Variants in CCDC141 observed in about 807,000 individuals in gnomAD.
CCDC141 encodes coiled-coil domain containing 141.
CCDC141 carries 168 observed loss-of-function variants against 181.0 expected under a neutral mutation model. The observed-to-expected ratio is 0.93, with a 90% CI of 0.82 to 1.05. The LOEUF (loss-of-function observed/expected upper bound fraction) is 1.05. Ranked by LOEUF, CCDC141 falls within the 50% of genes least tolerant of loss-of-function variation. The pLI, the probability that CCDC141 is intolerant of heterozygous loss-of-function variation, is 0.00. For missense variants in CCDC141, 1,902 were observed against 1,788.5 expected (o/e 1.06, Z -1.14); for synonymous variants, 666 against 642.3 (o/e 1.04, Z -0.56).
chr2:179,034,251 C>T (rs1431320578), intron 2 of CCDC141, among the ~76,000 whole-genome samples: 1 of 152,102 alleles, frequency 6.6e-6, no homozygotes, highest in African/African-American at 2.4e-5. Context: ...GAACAGAAAA[C>T]CAAATTTTGC....
At chr2:178,851,917 C>T (rs766465390) in intron 20 of CCDC141, among the ~76,000 whole-genome samples, 5 of 152,142 alleles carry the variant, frequency 3.3e-5, no homozygotes, top group Non-Finnish European at 5.9e-5. Flanking sequence ...GAGTAGCTTG[C>T]AAGAGTTGAT....
At position 178,865,791 on chromosome 2, in the gene CCDC141, G is replaced by A. The variant is rs144206841; in HGVS notation, c.2700C>T (p.Cys900=). 2.0e-5 allele frequency: 31 copies of A among 1,577,376 alleles called. No homozygotes were observed. The highest frequency in any genetic ancestry group is 1.7e-4 in the South Asian group (14 of 84,598). ...GRTLSRSVEY[C]AMRDEINELK... is the part of the protein sequence containing the mutation. ...CCTCATTTATCTCGTCTCTCATGGC[G>A]CAGTACTCCACACTACGGGACAGGG... Residue 900 remains cysteine (C), a synonymous_variant, in exon 17 of 24, where the codon TGC becomes TGT. Coordinates refer to ENST00000443758, the MANE Select transcript of CCDC141 (RefSeq NM_173648.4).
chr2:179,050,064 A>G lies in CCDC141; in HGVS notation c.-123T>C, dbSNP rs1157640578. 2 of 1,427,478 alleles carry G rather than the reference A, an allele frequency of 1.4e-6. No individual in the cohort carries two copies. The highest frequency in any genetic ancestry group is 2.9e-5 in the African/African-American group (2 of 69,690). 88.4% of individuals were successfully genotyped at this position (1,427,478 alleles called of 1,614,324 possible). A position where few individuals can be genotyped will look rare whatever the true frequency, so the allele number is the denominator to read the frequency against. On this transcript the variant is annotated 5_prime_UTR_variant, in exon 1 of 24. Coordinates refer to ENST00000443758, the MANE Select transcript of CCDC141 (RefSeq NM_173648.4). Reference sequence around the variant, plus strand: ...GGAAAGAGCTCAGCTCACACTGATTACTCTGCCAAAAGGAAAGAACAGGAG... The same window carrying G: ...GGAAAGAGCTCAGCTCACACTGATTGCTCTGCCAAAAGGAAAGAACAGGAG...
At chr2:178,914,642 A>G (rs1471823670) in intron 7 of CCDC141, among the ~76,000 whole-genome samples, 1 of 152,206 alleles carries the variant, frequency 6.6e-6, no homozygotes, top group East Asian at 1.9e-4. Flanking sequence ...CAATTAAGTG[A>G]TAATTATATT....
chr2:178,887,437 T>G (rs974317093), intron 9 of CCDC141, among the ~76,000 whole-genome samples: 1 of 152,178 alleles, frequency 6.6e-6, no homozygotes, highest in East Asian at 1.9e-4. Flanking sequence ...AAATGACCCT[T>G]GAAGGGTTCT....
rs1405191472 is a variant in CCDC141 at position 178,832,392 on chromosome 2, T to G, written c.*1781A>C. On this transcript the variant is annotated 3_prime_UTR_variant, in exon 24 of 24. Transcript: ENST00000443758. The stretch of plus-strand genomic sequence containing the variant: ...AGGAGGCTGAAGCAGGAGAATTGCT[T>G]GAACCCGGAGGTGGAGGTTGCAGTG... 1.4e-5 allele frequency: 2 copies of G among 144,572 alleles called. No individual in the cohort carries two copies. Among genetic ancestry groups the G allele is most frequent in the East Asian group, 4.1e-4 (2 of 4,918 alleles). 9.0% of individuals were successfully genotyped at this position (144,572 alleles called of 1,614,324 possible). A position where few individuals can be genotyped will look rare whatever the true frequency, so the allele number is the denominator to read the frequency against.
Position 178,961,292 on chromosome 2 carries a change from G to T in CCDC141, c.718C>A (p.Gln240Lys). 1 of 1,550,496 alleles carries T rather than the reference G, an allele frequency of 6.4e-7. No homozygotes were observed. The highest frequency in any genetic ancestry group is 1.2e-5 in the South Asian group (1 of 84,052). ...ACTTGACTCAATTCTTGCCACTGTT[G>T]CTTCAAGTACTTGTCTAGTTGTCTT... ...RRRQLDKYLK[Q>K]QWQELSQVLQ... The change falls in exon 5 of 24, where the codon CAA becomes AAA. Residue 240 changes from glutamine to lysine, a missense_variant. Gln to Lys is a moderately conservative substitution (Grantham distance 53). Coordinates refer to ENST00000443758, the MANE Select transcript of CCDC141 (RefSeq NM_173648.4).
At chr2:179,043,144 C>A (rs534370736) in intron 2 of CCDC141, among the ~76,000 whole-genome samples, 5 of 152,138 alleles carry the variant, frequency 3.3e-5, no homozygotes, top group African/African-American at 1.2e-4. Context: ...AATTCCTGGA[C>A]ACATGTACCC....
downstream of CCDC141, among the ~76,000 whole-genome samples, chr2:178,829,431 C>T (rs1684177614): frequency 6.6e-6 from 1 of 152,216 alleles, no homozygotes; most frequent in Admixed American, 6.5e-5. Context: ...TGCCTCCAAC[C>T]TGCACTGATG....
At chr2:179,042,667 A>T (rs1483063375) in intron 2 of CCDC141, among the ~76,000 whole-genome samples, 1 of 152,226 alleles carries the variant, frequency 6.6e-6, no homozygotes, top group African/African-American at 2.4e-5. Context: ...CTTTGAAACT[A>T]ATGAGAACCA....
At position 178,832,480 on chromosome 2, in the gene CCDC141, A is replaced by AC. The variant is rs1393894144; in HGVS notation, c.*1692_*1693insG. The AC allele has an allele frequency of 1.5e-5, 2 of 134,190 alleles. No homozygotes were observed. The highest frequency in any genetic ancestry group is 2.7e-5 in the African/African-American group (1 of 36,462). The allele number at this position is 134,190 out of a possible 1,614,324, so 8.3% of individuals were successfully genotyped here. ...GACTCTTTCTCAAAAAAAAAAAAAA[A>AC]AAACAAAAAAAACAAAAAAAAGATA... On this transcript the variant is annotated 3_prime_UTR_variant, in exon 24 of 24. Transcript: ENST00000443758.
intron 3 of CCDC141, among the ~76,000 whole-genome samples, chr2:178,975,738 A>T (rs568952172): frequency 2.0e-4 from 31 of 152,298 alleles, no homozygotes; most frequent in African/African-American, 7.5e-4. Flanking sequence ...AAAGCAAAAA[A>T]ATATATATTT....
intron 2 of CCDC141, among the ~76,000 whole-genome samples, chr2:178,999,653 A>G (rs1483942179): frequency 6.6e-6 from 1 of 152,052 alleles, no homozygotes; most frequent in African/African-American, 2.4e-5. Flanking sequence ...TGACTCCCTA[A>G]CACTGTTCTC....
intron 22 of CCDC141, among the ~76,000 whole-genome samples, chr2:178,840,732 C>T (rs1025814121): frequency 6.6e-6 from 1 of 152,218 alleles, no homozygotes; most frequent in African/African-American, 2.4e-5. Flanking sequence ...TCCAAGCCAT[C>T]CAGCTTTAAC....
At chr2:178,870,171 G>A (rs1686047385) in intron 14 of CCDC141, among the ~76,000 whole-genome samples, 1 of 136,032 alleles carries the variant, frequency 7.4e-6, no homozygotes, top group South Asian at 2.4e-4. Flanking sequence ...GGCGGAGGCT[G>A]CAGCAAGATA....
chr2:178,941,979 AAAAAAAAAAAAAAAAAAAAAAAG>A (rs1676861548), intron 6 of CCDC141, among the ~76,000 whole-genome samples: 1 of 50,380 alleles, frequency 2.0e-5, no homozygotes, highest in African/African-American at 5.2e-5. Context: ...AAAAAAAAAA[AAAAAAAAAAAAAAAAAAAAAAAG>A]GGAAAAGAAA....
intron 2 of CCDC141, among the ~76,000 whole-genome samples, chr2:179,007,992 T>C (rs2042162022): frequency 6.6e-6 from 1 of 152,186 alleles, no homozygotes; most frequent in South Asian, 2.1e-4. Context: ...AATCTCAGGG[T>C]AACAGTGTTC....
At chr2:178,983,717 A>T (rs937370913) in intron 2 of CCDC141, among the ~76,000 whole-genome samples, 8 of 151,848 alleles carry the variant, frequency 5.3e-5, no homozygotes, top group Non-Finnish European at 1.2e-4. Flanking sequence ...GGGTATCAGC[A>T]ATGGAAGATG....
intron 22 of CCDC141, among the ~76,000 whole-genome samples, chr2:178,839,891 C>G (rs1684652459): frequency 6.6e-6 from 1 of 152,166 alleles, no homozygotes; most frequent in African/African-American, 2.4e-5. Flanking sequence ...GCTTATTTTC[C>G]TCCTTATGGG....
Sources: allele counts gnomAD v4.1 joint callset (sites outside exome capture counted in the v4.1 genomes callset), GRCh38; gene constraint gnomAD v4.1.1; transcripts MANE v1.5; gene names NCBI Gene and HGNC (gene_info 2026-07-23, HGNC 2026-07-21).